Variants in DNAJC15 observed in about 807,000 individuals in gnomAD.
The protein encoded by DNAJC15 is DnaJ heat shock protein family (Hsp40) member C15, also known as dnaJ homolog subfamily C member 15.
DNAJC15 carries 27 observed loss-of-function variants against 22.4 expected under a neutral mutation model. That is an observed-to-expected ratio of 1.20 (90% CI 0.89 to 1.66). DNAJC15 has a LOEUF of 1.66. Among genes scored for constraint, DNAJC15 ranks in the 40% most tolerant of loss-of-function variants. DNAJC15 has a pLI of 0.00. For synonymous variants in DNAJC15, 79 were observed against 63.2 expected (o/e 1.25, Z -1.19); for missense variants, 208 against 187.1 (o/e 1.11, Z -0.65).
At chr13:43,030,033 T>G (rs2040397622) in intron 1 of DNAJC15, among the ~76,000 whole-genome samples, 1 of 152,172 alleles carries the variant, frequency 6.6e-6, no homozygotes, top group African/African-American at 2.4e-5. Flanking sequence ...CCTCTTTGAC[T>G]TTTGTAATAG....
chr13:43,083,454 A>C (rs2040673257), intron 4 of DNAJC15, among the ~76,000 whole-genome samples: 1 of 152,158 alleles, frequency 6.6e-6, no homozygotes, highest in Non-Finnish European at 1.5e-5. Flanking sequence ...GGCGTGAGCT[A>C]CTGCCCCCGG....
Position 43,078,629 on chromosome 13 carries a change from TA to T in DNAJC15, c.255del (p.Gly86GlufsTer7). On this transcript the variant is annotated frameshift_variant, in exon 4 of 6. Coordinates refer to ENST00000379221, the MANE Select transcript of DNAJC15 (RefSeq NM_013238.3). LOFTEE classifies it high-confidence loss of function. Reference protein sequence around the residue: ...ISTPSFSSYYKGGFEQKMSRR... With the variant: ...ISTPSFSSYYXGGFEQKMSRR... ...CTATACAGAGCTTTTCATCCTACTA[TA>T]AAGGAGGATTTGAACAGAAAATGAG... 6.2e-7 allele frequency: 1 copy of T among 1,613,442 alleles called. No individual in the cohort carries two copies. Among genetic ancestry groups the T allele is most frequent in the Non-Finnish European group, 8.5e-7 (1 of 1,179,564 alleles).
chr13:43,072,791 T>C (rs2040615032), intron 3 of DNAJC15, among the ~76,000 whole-genome samples: 1 of 152,204 alleles, frequency 6.6e-6, no homozygotes, highest in Non-Finnish European at 1.5e-5. Flanking sequence ...CTTGAGCTTC[T>C]GACCTCAAGT....
At chr13:43,101,477 T>G (rs950169284) in intron 5 of DNAJC15, among the ~76,000 whole-genome samples, 12 of 152,188 alleles carry the variant, frequency 7.9e-5, no homozygotes, top group Admixed American at 1.3e-4. Context: ...TGGAAAAGCT[T>G]TTTTGTGGTG....
intron 4 of DNAJC15, chr13:43,078,988 C>G (rs983121774): frequency 1.1e-5 from 2 of 186,328 alleles, no homozygotes; most frequent in Admixed American, 1.1e-4. Context: ...TTGTGACATT[C>G]TCTCTAGACT....
At chr13:43,098,669 A>G (rs1332798932) in intron 5 of DNAJC15, among the ~76,000 whole-genome samples, 4 of 152,182 alleles carry the variant, frequency 2.6e-5, no homozygotes, top group African/African-American at 9.7e-5. Flanking sequence ...ATTTTGGAAC[A>G]TTTTGATCAC....
At chr13:43,038,751 C>G (rs1380699564) in intron 1 of DNAJC15, among the ~76,000 whole-genome samples, 1 of 147,050 alleles carries the variant, frequency 6.8e-6, no homozygotes, top group Non-Finnish European at 1.5e-5. Flanking sequence ...GAGATTGCAG[C>G]ACTGCACTCC....
At chr13:43,025,384 G>T (rs2040376007) in intron 1 of DNAJC15, among the ~76,000 whole-genome samples, 1 of 150,962 alleles carries the variant, frequency 6.6e-6, no homozygotes, top group Non-Finnish European at 1.5e-5. Flanking sequence ...CTTGGAAGAG[G>T]AGAGAGTTTA....
intron 5 of DNAJC15, among the ~76,000 whole-genome samples, chr13:43,089,155 G>T (rs1164093304): frequency 6.6e-6 from 1 of 152,186 alleles, no homozygotes; most frequent in Non-Finnish European, 1.5e-5. Flanking sequence ...AACAGAATTG[G>T]TAGTGATAAC....
chr13:43,070,418 G>A (rs896546766), intron 3 of DNAJC15, among the ~76,000 whole-genome samples: 4 of 151,752 alleles, frequency 2.6e-5, no homozygotes, highest in Non-Finnish European at 5.9e-5. Context: ...AGACATTGCC[G>A]TCTAGGAGCT....
intron 3 of DNAJC15, among the ~76,000 whole-genome samples, chr13:43,069,273 T>C (rs1407351852): frequency 1.3e-5 from 2 of 152,190 alleles, no homozygotes; most frequent in African/African-American, 2.4e-5. Flanking sequence ...TGTAACTTAC[T>C]TTACCCGTTT....
At chr13:43,055,343 G>A (rs980192141) in intron 1 of DNAJC15, among the ~76,000 whole-genome samples, 8 of 151,652 alleles carry the variant, frequency 5.3e-5, no homozygotes, top group East Asian at 3.9e-4. Context: ...CACCACCCCC[G>A]CCACCTGCCA....
intron 2 of DNAJC15, 40 bp from the exon 3 acceptor site, chr13:43,068,890 T>C: frequency 1.3e-6 from 2 of 1,561,460 alleles, no homozygotes; most frequent in Non-Finnish European, 1.8e-6. Flanking sequence ...TGATTTTGAT[T>C]ATAGAAAATA....
At chr13:43,090,671 C>T (rs1373874802) in intron 5 of DNAJC15, among the ~76,000 whole-genome samples, 1 of 149,582 alleles carries the variant, frequency 6.7e-6, no homozygotes, top group African/African-American at 2.4e-5. Flanking sequence ...GCATTCTTTA[C>T]TTTCTGAACG....
chr13:43,095,585 T>C (rs946876787), intron 5 of DNAJC15, among the ~76,000 whole-genome samples: 2 of 151,474 alleles, frequency 1.3e-5, no homozygotes, highest in African/African-American at 2.4e-5. Flanking sequence ...GGATAAGAAA[T>C]AGGAGGAAAA....
At chr13:43,100,231 A>G (rs1389823904) in intron 5 of DNAJC15, among the ~76,000 whole-genome samples, 1 of 139,548 alleles carries the variant, frequency 7.2e-6, no homozygotes, top group African/African-American at 2.7e-5. Context: ...TTTTTGAAAC[A>G]GGGTCTCACT....
At chr13:43,061,675 A>G (rs56279911) in intron 1 of DNAJC15, among the ~76,000 whole-genome samples, 2,690 of 152,316 alleles carry the variant, frequency 0.018, 92 homozygotes, top group East Asian at 0.11. Flanking sequence ...GAGGTGCCAC[A>G]TACTTTTCAA....
chr13:43,070,192 A>T (rs1471711140), intron 3 of DNAJC15, among the ~76,000 whole-genome samples: 1 of 152,230 alleles, frequency 6.6e-6, no homozygotes, highest in Non-Finnish European at 1.5e-5. Context: ...AAAGGATGAC[A>T]TACTGACAAA....
chr13:43,065,985 AT>A (rs894146071), intron 2 of DNAJC15, among the ~76,000 whole-genome samples: 2 of 151,964 alleles, frequency 1.3e-5, no homozygotes, highest in Admixed American at 6.6e-5. Flanking sequence ...TATTCCTGGC[AT>A]TTTTTTTCAG....
Sources: allele counts gnomAD v4.1 joint callset (sites outside exome capture counted in the v4.1 genomes callset), GRCh38; gene constraint gnomAD v4.1.1; transcripts MANE v1.5; gene names NCBI Gene and HGNC (gene_info 2026-07-23, HGNC 2026-07-21).